Variants in FAM13C observed in about 807,000 individuals in gnomAD.
FAM13C encodes the protein protein FAM13C.
Under a neutral mutation model 73.2 loss-of-function variants are expected in FAM13C, and 37 were observed. The ratio of observed to expected loss-of-function variants is 0.51; its 90% CI spans 0.39 to 0.67. The LOEUF (loss-of-function observed/expected upper bound fraction) is 0.67, where lower values mean the gene tolerates loss of function less well. Ranked by LOEUF, FAM13C falls within the 30% of genes least tolerant of loss-of-function variation. The pLI is 0.00. For missense variants in FAM13C, 589 were observed against 715.6 expected, an observed-to-expected ratio of 0.82 and a Z score of 2.02; for synonymous variants, 246 against 260.9, an observed-to-expected ratio of 0.94 and a Z score of 0.55.
intron 12 of FAM13C, 59 bp from the exon 13 acceptor site, chr10:59,251,735 G>A (rs1841399085): frequency 1.5e-6 from 2 of 1,305,724 alleles, no homozygotes; most frequent in Non-Finnish European, 2.1e-6. Flanking sequence ...AGATCATCAT[G>A]AGCAGATTTA....
Position 59,271,044 on chromosome 10 carries a change from A to G in FAM13C, c.593-935T>C, listed in dbSNP as rs189761929. 1.3e-4 allele frequency among the ~76,000 whole-genome samples: 20 copies of G among 152,238 alleles called. No individual in the cohort carries two copies. The East Asian group carries it at 3.7e-3, about 28-fold the overall frequency. On this transcript the variant is annotated intron_variant, in intron 6 of 13. Coordinates refer to ENST00000618804, the MANE Select transcript of FAM13C (RefSeq NM_198215.4). ...GCAGCAGGGGATCAGATCATTAGGA[A>G]ACTGAGTCAGGGGGCCAGAAGAAGG...
chr10:59,257,257 A>G (rs1842036966), intron 10 of FAM13C, among the ~76,000 whole-genome samples: 1 of 152,146 alleles, frequency 6.6e-6, no homozygotes, highest in Non-Finnish European at 1.5e-5. Flanking sequence ...GCCCCCTATC[A>G]AGTAGGTGAT....
intron 4 of FAM13C, among the ~76,000 whole-genome samples, chr10:59,322,332 A>C (rs1850428478): frequency 6.6e-6 from 1 of 152,180 alleles, no homozygotes; most frequent in South Asian, 2.1e-4. Flanking sequence ...CTGATATGTG[A>C]CTTATCACCA....
At chr10:59,338,195 T>C (rs1008303832) in intron 3 of FAM13C, among the ~76,000 whole-genome samples, 11 of 152,104 alleles carry the variant, frequency 7.2e-5, no homozygotes, top group African/African-American at 2.4e-4. Flanking sequence ...GATGCTTCAC[T>C]GGGATGCAGG....
rs1840730090 is a variant in FAM13C at position 59,246,581 on chromosome 10, A to ATTAT, written c.*1032_*1033insATAA. 2.5e-6 allele frequency: 1 copy of ATTAT among 397,162 alleles called. No individual in the cohort carries two copies. The highest frequency in any genetic ancestry group is 2.1e-5 in the African/African-American group (1 of 48,598). 24.6% of individuals were successfully genotyped at this position (397,162 alleles called of 1,614,324 possible). ...ATGAAAATAATAAACATGTTTTCGT[A>ATTAT]TAAAATAACACAAAATGATATACAC... On this transcript the variant is annotated 3_prime_UTR_variant, in exon 14 of 14. Transcript: ENST00000618804.
intron 4 of FAM13C, among the ~76,000 whole-genome samples, chr10:59,306,516 A>G (rs1020293603): frequency 1.3e-5 from 2 of 152,206 alleles, no homozygotes; most frequent in African/African-American, 4.8e-5. Context: ...TGATAAAGCT[A>G]ATGAACACTG....
chr10:59,321,394 C>T (rs1449014162), intron 4 of FAM13C, among the ~76,000 whole-genome samples: 1 of 149,216 alleles, frequency 6.7e-6, no homozygotes, highest in African/African-American at 2.5e-5. Context: ...TAGATTCTTC[C>T]CTAGAGCCTC....
At chr10:59,266,220 A>C (rs960433506) in intron 8 of FAM13C, among the ~76,000 whole-genome samples, 2 of 152,180 alleles carry the variant, frequency 1.3e-5, no homozygotes, top group African/African-American at 4.8e-5. Context: ...ATTCCACTGA[A>C]GGTAGACGTG....
chr10:59,323,192 A>T (rs1191619102), intron 4 of FAM13C: 3 of 152,332 alleles, frequency 2.0e-5, no homozygotes, highest in Non-Finnish European at 4.4e-5. Context: ...TACACTGTAC[A>T]CAAGATCCTA....
intron 6 of FAM13C, among the ~76,000 whole-genome samples, chr10:59,274,000 T>A (rs537543450): frequency 1.3e-5 from 2 of 152,320 alleles, no homozygotes; most frequent in East Asian, 3.9e-4. Context: ...CCCATCATGG[T>A]GGGCTCATAA....
intron 4 of FAM13C, among the ~76,000 whole-genome samples, chr10:59,321,394 C>CCATT (rs1850242046): frequency 6.7e-6 from 1 of 149,216 alleles, no homozygotes; most frequent in Non-Finnish European, 1.5e-5. Context: ...TAGATTCTTC[C>CCATT]CTAGAGCCTC....
At chr10:59,331,638 G>A (rs890049400) in intron 3 of FAM13C, among the ~76,000 whole-genome samples, 6 of 152,188 alleles carry the variant, frequency 3.9e-5, no homozygotes, top group African/African-American at 1.4e-4. Flanking sequence ...AAATGGATTA[G>A]AAGGTGAAGA....
At chr10:59,268,439 G>A (rs1246389854) in intron 8 of FAM13C, 114 bp downstream of exon 8, 3 of 1,404,646 alleles carry the variant, frequency 2.1e-6, no homozygotes, top group Non-Finnish European at 2.9e-6. Flanking sequence ...TTGGCCCATG[G>A]GAACAGAGCT....
Position 59,361,089 on chromosome 10 carries a change from C to CCT in FAM13C, c.62+1308_62+1309dup, listed in dbSNP as rs1299302315. The CCT allele has an allele frequency of 3.9e-6, 5 of 1,289,210 alleles. No individual in the cohort carries two copies. The South Asian group carries it at 6.2e-5, about 16-fold the overall frequency. The allele number at this position is 1,289,210 out of a possible 1,614,324, so 79.9% of individuals were successfully genotyped here. ...GCCTGCAGATGCACACTTTGGCACA[C>CCT]CTCTCTCCCCTTCTCTCAGGCCTTT... On this transcript the variant is annotated intron_variant, in intron 1 of 13. Coordinates refer to ENST00000618804, the MANE Select transcript of FAM13C (RefSeq NM_198215.4).
At chr10:59,275,436 G>A (rs1055217379) in intron 6 of FAM13C, among the ~76,000 whole-genome samples, 4 of 152,050 alleles carry the variant, frequency 2.6e-5, no homozygotes, top group Non-Finnish European at 5.9e-5. Flanking sequence ...CCAAGCTTCT[G>A]GGCATGCCAT....
intron 3 of FAM13C, among the ~76,000 whole-genome samples, chr10:59,349,040 G>A (rs113288011): frequency 3.0e-4 from 46 of 151,974 alleles, no homozygotes; most frequent in Non-Finnish European, 5.1e-4. Flanking sequence ...TTTAAAAATC[G>A]GCTTACTCAT....
intron 13 of FAM13C, among the ~76,000 whole-genome samples, chr10:59,248,085 G>A (rs578215151): frequency 6.6e-6 from 1 of 152,180 alleles, no homozygotes; most frequent in Admixed American, 6.5e-5. Context: ...TCCATTATTT[G>A]CCACACCCCT....
Position 59,337,667 on chromosome 10 carries a change from CTTTTTTTTTTTTTTTTTT to C in FAM13C, c.325-13579_325-13562del, listed in dbSNP as rs3078327. Among the ~76,000 whole-genome samples, 3 of 70,998 alleles carry C rather than the reference CTTTTTTTTTTTTTTTTTT, an allele frequency of 4.2e-5. No individual in the cohort carries two copies. The South Asian group carries it at 2.2e-3, about 52-fold the overall frequency. 46.6% of individuals were successfully genotyped at this position (70,998 alleles called of 152,430 possible). A position where few individuals can be genotyped will look rare whatever the true frequency, so the allele number is the denominator to read the frequency against. On this transcript the variant is annotated intron_variant, in intron 3 of 13. Coordinates refer to ENST00000618804, the MANE Select transcript of FAM13C (RefSeq NM_198215.4). ...TTTCCATTTTCTTTTTTTTCTTTTTCTTTTTTTTTTTTTTTTTTTTTTTTTTTTTGAGATAGAGTTTCA... is the reference window on the plus strand; with the variant it reads ...TTTCCATTTTCTTTTTTTTCTTTTTCTTTTTTTTTTTGAGATAGAGTTTCA...
At chr10:59,330,337 T>C (rs568440387) in intron 3 of FAM13C, among the ~76,000 whole-genome samples, 1 of 152,300 alleles carries the variant, frequency 6.6e-6, no homozygotes, top group African/African-American at 2.4e-5. Context: ...ACATTTACTA[T>C]AGAACTGAGA....
Sources: allele counts gnomAD v4.1 joint callset (sites outside exome capture counted in the v4.1 genomes callset), GRCh38; gene constraint gnomAD v4.1.1; transcripts MANE v1.5; gene names NCBI Gene and HGNC (gene_info 2026-07-23, HGNC 2026-07-21).